LRP1B: variants seen among roughly 807,000 people sequenced by gnomAD.
LRP1B encodes the protein LDL receptor related protein 1B.
A neutral mutation model predicts 556.6 loss-of-function variants in LRP1B; 217 were observed. The observed-to-expected ratio is 0.39, with a 90% confidence interval of 0.35 to 0.44. The LOEUF is 0.44. Ranked by LOEUF, LRP1B falls within the 20% of genes least tolerant of loss-of-function variation. The pLI, the probability that LRP1B is intolerant of heterozygous loss-of-function variation, is 1.00. For missense variants in LRP1B, 5,053 were observed against 5,620.8 expected (o/e 0.90, Z 3.23); for synonymous variants, 2,047 against 1,865.8 (o/e 1.10, Z -2.50).
intron 3 of LRP1B, among the ~76,000 whole-genome samples, chr2:141,326,526 G>T (rs1027610481): frequency 1.3e-5 from 2 of 152,070 alleles, no homozygotes; most frequent in African/African-American, 4.8e-5. Context: ...GTATTTTTGT[G>T]GGGAAATGAA....
At chr2:141,441,576 T>TA (rs1044197715) in intron 3 of LRP1B, among the ~76,000 whole-genome samples, 3 of 152,204 alleles carry the variant, frequency 2.0e-5, no homozygotes, top group Admixed American at 2.0e-4. Context: ...TTTTCTTTTT[T>TA]AAAAAGCTCA....
At chr2:141,997,421 G>A (rs1349969107) in intron 1 of LRP1B, among the ~76,000 whole-genome samples, 2 of 1,324 alleles carry the variant, frequency 1.5e-3, no homozygotes, top group South Asian at 0.1. Flanking sequence ...ATATATGTGT[G>A]TGTGTGTGTG....
At chr2:141,157,647 C>A (rs1481907286) in intron 7 of LRP1B, among the ~76,000 whole-genome samples, 1 of 152,032 alleles carries the variant, frequency 6.6e-6, no homozygotes, top group Non-Finnish European at 1.5e-5. Flanking sequence ...CAACAGGGAG[C>A]TGACAAATCT....
intron 43 of LRP1B, among the ~76,000 whole-genome samples, chr2:140,567,101 T>C (rs1012008162): frequency 6.6e-6 from 1 of 152,116 alleles, no homozygotes; most frequent in Admixed American, 6.5e-5. Context: ...TGAGACACCC[T>C]GCCCCATAAG....
chr2:140,660,152 C>A (rs1685039583), intron 41 of LRP1B, among the ~76,000 whole-genome samples: 1 of 152,010 alleles, frequency 6.6e-6, no homozygotes, highest in Middle Eastern at 3.4e-3. Context: ...CAAAAAAAAA[C>A]TCCTGCTCTG....
intron 1 of LRP1B, among the ~76,000 whole-genome samples, chr2:141,873,562 AT>A (rs1698659851): frequency 6.6e-6 from 1 of 151,936 alleles, no homozygotes; most frequent in Non-Finnish European, 1.5e-5. Context: ...GAAAAAAATA[AT>A]TTATGTGTCT....
chr2:140,287,076 G>A (rs1683180343), intron 84 of LRP1B, among the ~76,000 whole-genome samples: 1 of 151,710 alleles, frequency 6.6e-6, no homozygotes, highest in Non-Finnish European at 1.5e-5. Context: ...TTTTAATTCT[G>A]CATCTTCACC....
chr2:141,737,001 A>C (rs543683096), intron 2 of LRP1B, among the ~76,000 whole-genome samples: 2 of 152,266 alleles, frequency 1.3e-5, no homozygotes. Context: ...ACCAAAGGCC[A>C]GTCTTCTCTT....
At chr2:141,723,174 GA>G (rs893524067) in intron 2 of LRP1B, among the ~76,000 whole-genome samples, 2 of 151,124 alleles carry the variant, frequency 1.3e-5, no homozygotes, top group African/African-American at 2.4e-5. Context: ...GATTTTGAGG[GA>G]AAAAAGATTT....
At chr2:141,793,456 T>A (rs1335905171) in intron 2 of LRP1B, among the ~76,000 whole-genome samples, 5 of 151,932 alleles carry the variant, frequency 3.3e-5, no homozygotes, top group African/African-American at 1.2e-4. Flanking sequence ...ATTTATCTGG[T>A]CCCAGGTTCC....
chr2:140,833,736 T>A (rs1461362778), intron 31 of LRP1B, among the ~76,000 whole-genome samples: 2 of 152,236 alleles, frequency 1.3e-5, no homozygotes, highest in Admixed American at 6.5e-5. Context: ...CTTTCTCTGG[T>A]AGAACTCTGA....
At chr2:140,439,763 A>G (rs1395187945) in intron 66 of LRP1B, among the ~76,000 whole-genome samples, 3 of 152,106 alleles carry the variant, frequency 2.0e-5, no homozygotes, top group Non-Finnish European at 4.4e-5. Flanking sequence ...AGAGATTAGT[A>G]TATAATTTTT....
chr2:141,096,690 GAA>G (rs1303050305), intron 7 of LRP1B, among the ~76,000 whole-genome samples: 3 of 102,034 alleles, frequency 2.9e-5, no homozygotes, highest in Admixed American at 2.1e-4. Flanking sequence ...GAGAGAGAGA[GAA>G]AATAAATAAA....
intron 20 of LRP1B, among the ~76,000 whole-genome samples, chr2:140,936,405 CT>C (rs1245239484): frequency 6.7e-6 from 1 of 150,322 alleles, no homozygotes; most frequent in Non-Finnish European, 1.5e-5. Flanking sequence ...AAACAAAATC[CT>C]GTCATCCAAG....
intron 6 of LRP1B, among the ~76,000 whole-genome samples, chr2:141,201,729 A>T (rs1283296650): frequency 6.6e-6 from 1 of 152,188 alleles, no homozygotes; most frequent in Non-Finnish European, 1.5e-5. Context: ...AGAAAATAGA[A>T]ATGGTGCATG....
At chr2:140,538,055 T>C (rs932016091) in intron 45 of LRP1B, among the ~76,000 whole-genome samples, 1 of 152,156 alleles carries the variant, frequency 6.6e-6, no homozygotes, top group South Asian at 2.1e-4. Flanking sequence ...AATGAAAGAA[T>C]ATAGCTTAAT....
rs138001399 is a variant in LRP1B at position 140,818,674 on chromosome 2, C to T, written c.5210-4868G>A. Among the ~76,000 whole-genome samples the T allele has an allele frequency of 4.3e-3, 650 of 152,220 alleles. 2 individuals are homozygous for T. The highest frequency in any genetic ancestry group is 0.014 in the African/African-American group (601 of 41,524). ...TGCTGGCTGGGCACTGTGGCTCATG[C>T]CTGTAATCCCAGCACTTTGGGAGGC... is the stretch of plus-strand genomic sequence containing the variant. On this transcript the variant is annotated intron_variant, in intron 31 of 90. Transcript: ENST00000389484.
intron 31 of LRP1B, among the ~76,000 whole-genome samples, chr2:140,825,157 G>T (rs1691459563): frequency 6.6e-6 from 1 of 152,060 alleles, no homozygotes; most frequent in African/African-American, 2.4e-5. Context: ...AAGGGTTCTT[G>T]GAAAACAACA....
intron 25 of LRP1B, among the ~76,000 whole-genome samples, chr2:140,882,489 AG>A (rs1205453080): frequency 1.3e-5 from 2 of 152,222 alleles, no homozygotes; most frequent in Non-Finnish European, 2.9e-5. Flanking sequence ...ATTTTACAAA[AG>A]AAGGCAGAAA....
Sources: gnomAD v4.1 joint callset for allele counts (sites outside exome capture counted in the v4.1 genomes callset) on GRCh38, gnomAD v4.1.1 for gene constraint, MANE v1.5 for transcripts, NCBI Gene and HGNC (gene_info 2026-07-23, HGNC 2026-07-21) for gene names.